Variants in SORCS1 observed in about 807,000 individuals in gnomAD.
SORCS1 encodes VPS10 domain-containing receptor SorCS1.
In SORCS1, 60 loss-of-function variants were observed where a neutral mutation model predicts 146.1. The ratio of observed to expected loss-of-function variants is 0.41; its 90% CI spans 0.33 to 0.51. The LOEUF is 0.51. Ranked by LOEUF, SORCS1 falls within the 20% of genes least tolerant of loss-of-function variation. The pLI is 0.21. For missense variants in SORCS1, 1,352 were observed against 1,487.6 expected, an observed-to-expected ratio of 0.91 and a Z score of 1.50; for synonymous variants, 637 against 584.0, an observed-to-expected ratio of 1.09 and a Z score of -1.31.
intron 2 of SORCS1, among the ~76,000 whole-genome samples, chr10:106,884,156 T>A (rs1950910431): frequency 6.6e-6 from 1 of 152,160 alleles, no homozygotes. Flanking sequence ...GTAACTATAT[T>A]CATGGCACTC....
intron 2 of SORCS1, among the ~76,000 whole-genome samples, chr10:106,906,915 C>T (rs1276286284): frequency 2.0e-5 from 3 of 152,128 alleles, no homozygotes; most frequent in East Asian, 1.9e-4. Flanking sequence ...GACTAAGTTG[C>T]TGTAATATCA....
At chr10:106,638,547 C>T (rs530229427) in intron 18 of SORCS1, among the ~76,000 whole-genome samples, 44 of 152,230 alleles carry the variant, frequency 2.9e-4, no homozygotes, top group African/African-American at 1.0e-3. Flanking sequence ...GACACAGATA[C>T]CACCCCTATA....
intron 1 of SORCS1, among the ~76,000 whole-genome samples, chr10:107,097,674 G>C (rs1964633846): frequency 6.6e-6 from 1 of 152,118 alleles, no homozygotes; most frequent in Non-Finnish European, 1.5e-5. Context: ...TGCCCTCCCT[G>C]CTATTATGGC....
Position 106,630,818 on chromosome 10 carries a change from T to C in SORCS1, c.2476-1430A>G, listed in dbSNP as rs1439828989. ...TTTCCCATGGGTAGGCAGAAGAAGATACATTCTGCATTATAAAATCCCAGA... is the reference window on the plus strand; with the variant it reads ...TTTCCCATGGGTAGGCAGAAGAAGACACATTCTGCATTATAAAATCCCAGA... On this transcript the variant is annotated intron_variant, in intron 18 of 25. Coordinates refer to ENST00000263054, the MANE Select transcript of SORCS1 (RefSeq NM_052918.5). 2.0e-5 allele frequency among the ~76,000 whole-genome samples: 3 copies of C among 151,496 alleles called. No individual in the cohort carries two copies. In the East Asian group the frequency reaches 5.8e-4, roughly 29 times the overall value.
At chr10:106,633,807 T>C (rs1167066516) in intron 18 of SORCS1, among the ~76,000 whole-genome samples, 1 of 152,158 alleles carries the variant, frequency 6.6e-6, no homozygotes, top group African/African-American at 2.4e-5. Context: ...GGAGTTTTAT[T>C]TCTTAATCTG....
intron 1 of SORCS1, among the ~76,000 whole-genome samples, chr10:107,072,420 C>G: frequency 6.6e-6 from 1 of 152,252 alleles, no homozygotes; most frequent in South Asian, 2.1e-4. Context: ...TGCCTTGGAA[C>G]GGCTAATAAC....
intron 2 of SORCS1, among the ~76,000 whole-genome samples, chr10:106,924,756 C>T (rs1952920441): frequency 9.1e-6 from 1 of 110,370 alleles, no homozygotes. Flanking sequence ...TTACATTTAA[C>T]TGCATGGATT....
At chr10:107,031,484 A>T (rs1332399341) in intron 1 of SORCS1, among the ~76,000 whole-genome samples, 1 of 149,626 alleles carries the variant, frequency 6.7e-6, no homozygotes, top group Admixed American at 6.6e-5. Context: ...TTGAATGACT[A>T]TTTCCATTCT....
At chr10:107,059,327 G>A (rs1315647518) in intron 1 of SORCS1, among the ~76,000 whole-genome samples, 4 of 152,116 alleles carry the variant, frequency 2.6e-5, no homozygotes, top group African/African-American at 7.2e-5. Flanking sequence ...TTCTAGTTTC[G>A]CTGAAACTGT....
chr10:106,735,560 T>C (rs1314889276), intron 5 of SORCS1, among the ~76,000 whole-genome samples: 1 of 152,184 alleles, frequency 6.6e-6, no homozygotes, highest in Non-Finnish European at 1.5e-5. Context: ...ATAGGATCAA[T>C]GGACAGAAGG....
In SORCS1 at chr10:106,956,664, T is replaced by G. The variant is rs1014771343; in HGVS notation, c.559-84A>C. ...AAATGGCCCAAGGGAGGGCTTAGGA[T>G]TCCTTTAATAGTCACTTAACATAAT... is the stretch of plus-strand genomic sequence containing the variant. On this transcript the variant is annotated intron_variant, in intron 1 of 25. Coordinates refer to ENST00000263054, the MANE Select transcript of SORCS1 (RefSeq NM_052918.5). 1.8e-5 allele frequency: 20 copies of G among 1,107,468 alleles called. No homozygotes were observed. The African/African-American group carries it at 1.9e-4, about 10-fold the overall frequency. 68.6% of individuals were successfully genotyped at this position (1,107,468 alleles called of 1,614,324 possible).
In SORCS1 at chr10:106,607,245, G is replaced by A. The variant is rs772223138; in HGVS notation, c.3086C>T (p.Pro1029Leu). Residue 1029 changes from proline to leucine, a missense_variant, in exon 23 of 26, where the codon CCC becomes CTC. By Grantham distance (98) the Pro-to-Leu change is moderately conservative (BLOSUM62 -3). Coordinates refer to ENST00000263054, the MANE Select transcript of SORCS1 (RefSeq NM_052918.5). ...TAGGACAAAGAGTTCAGCAGTGGTG[G>A]GTAAGCCAGGGAGCACCGCCACCAG... Reference protein sequence around the residue: ...HILVAVLPGLPTTAELFVLPY... With the variant: ...HILVAVLPGLLTTAELFVLPY... 1.2e-6 allele frequency: 2 copies of A among 1,613,960 alleles called. No homozygotes were observed.
At chr10:106,748,037 A>T (rs1011879219) in intron 5 of SORCS1, among the ~76,000 whole-genome samples, 2 of 151,978 alleles carry the variant, frequency 1.3e-5, no homozygotes, top group East Asian at 1.9e-4. Context: ...CAAAATGCAA[A>T]TTTTTTCTCA....
chr10:107,153,939 T>C (rs1384732140), intron 1 of SORCS1, among the ~76,000 whole-genome samples: 2 of 152,070 alleles, frequency 1.3e-5, no homozygotes, highest in Non-Finnish European at 2.9e-5. Context: ...AAGTTTAATT[T>C]TACAGTATAT....
intron 3 of SORCS1, among the ~76,000 whole-genome samples, chr10:106,829,111 G>C (rs1184778151): frequency 6.6e-6 from 1 of 152,216 alleles, no homozygotes; most frequent in Non-Finnish European, 1.5e-5. Flanking sequence ...ACATTTGTGT[G>C]CAGACTGAAC....
chr10:106,970,198 T>C (rs1055427411), intron 1 of SORCS1: 1 of 152,204 alleles, frequency 6.6e-6, no homozygotes, highest in East Asian at 1.9e-4. Context: ...TACCATTCAA[T>C]GCGGAATACC....
chr10:106,833,428 T>A (rs1948649337), intron 2 of SORCS1, among the ~76,000 whole-genome samples: 1 of 152,230 alleles, frequency 6.6e-6, no homozygotes, highest in Non-Finnish European at 1.5e-5. Flanking sequence ...ACAAGTTTCA[T>A]CGGTAGAACC....
At chr10:106,979,636 A>G (rs891881143) in intron 1 of SORCS1, among the ~76,000 whole-genome samples, 2 of 152,234 alleles carry the variant, frequency 1.3e-5, no homozygotes, top group Admixed American at 1.3e-4. Flanking sequence ...ATCTTCCCAC[A>G]TAACAAAATT....
intron 3 of SORCS1, among the ~76,000 whole-genome samples, chr10:106,785,959 T>C (rs868257940): frequency 7.2e-5 from 11 of 152,254 alleles, no homozygotes; most frequent in African/African-American, 2.2e-4. Context: ...ATGTGCTTAA[T>C]TGACATGTCA....
Sources: allele counts gnomAD v4.1 joint callset (sites outside exome capture counted in the v4.1 genomes callset), GRCh38; gene constraint gnomAD v4.1.1; transcripts MANE v1.5; gene names NCBI Gene and HGNC (gene_info 2026-07-23, HGNC 2026-07-21).